FAM240A: variants seen among roughly 807,000 people sequenced by gnomAD.
FAM240A encodes the protein protein FAM240A.
Under a neutral mutation model 7.3 loss-of-function variants are expected in FAM240A, and 8 were observed. That is an observed-to-expected ratio of 1.09 (90% CI 0.64 to 1.97). FAM240A has a LOEUF of 1.97. Ranked by LOEUF, FAM240A falls within the 30% of genes most tolerant of loss-of-function variation. The pLI, the probability that FAM240A is intolerant of heterozygous loss-of-function variation, is 0.00. For synonymous variants in FAM240A, 32 were observed against 35.9 expected (o/e 0.89, Z 0.38); for missense variants, 90 against 102.2 (o/e 0.88, Z 0.52).
chr3:46,621,409 C>A (rs144428299), intron 2 of FAM240A, among the ~76,000 whole-genome samples: 7 of 152,048 alleles, frequency 4.6e-5, no homozygotes, highest in Non-Finnish European at 8.8e-5. Flanking sequence ...CCTTATATAT[C>A]TTTTTTCCGT....
At chr3:46,615,436 A>G (rs766302820) in intron 1 of FAM240A, among the ~76,000 whole-genome samples, 9 of 151,424 alleles carry the variant, frequency 5.9e-5, no homozygotes, top group Non-Finnish European at 7.4e-5. Flanking sequence ...GAATCTGTCC[A>G]CTCTTCATCA....
At chr3:46,615,907 C>T (rs1459848471) in intron 1 of FAM240A, among the ~76,000 whole-genome samples, 2 of 152,094 alleles carry the variant, frequency 1.3e-5, no homozygotes, top group East Asian at 3.8e-4. Context: ...GGCACTGGAA[C>T]CATTTTCTCT....
chr3:46,622,758 C>A (rs918441435), intron 2 of FAM240A, among the ~76,000 whole-genome samples: 1 of 152,212 alleles, frequency 6.6e-6, no homozygotes, highest in Admixed American at 6.5e-5. Flanking sequence ...CAATGTCACA[C>A]TGCTTTGATT....
At chr3:46,615,509 C>T (rs556981834) in intron 1 of FAM240A, among the ~76,000 whole-genome samples, 11 of 152,294 alleles carry the variant, frequency 7.2e-5, no homozygotes, top group Non-Finnish European at 1.3e-4. Context: ...CCAGTTCCTC[C>T]TCCCCCTGCA....
intron 2 of FAM240A, among the ~76,000 whole-genome samples, chr3:46,624,815 T>C (rs1697737985): frequency 6.6e-6 from 1 of 152,104 alleles, no homozygotes; most frequent in Non-Finnish European, 1.5e-5. Flanking sequence ...ATAGGTTTGC[T>C]GTGTAAAGAA....
intron 2 of FAM240A, among the ~76,000 whole-genome samples, chr3:46,624,396 C>A (rs113640675): frequency 6.6e-6 from 1 of 151,008 alleles, no homozygotes; most frequent in Non-Finnish European, 1.5e-5. Flanking sequence ...CTCAGCCTTC[C>A]GAGTAGCTGG....
At chr3:46,614,692 C>G (rs959751736) in intron 1 of FAM240A, among the ~76,000 whole-genome samples, 1 of 152,246 alleles carries the variant, frequency 6.6e-6, no homozygotes, top group African/African-American at 2.4e-5. Flanking sequence ...CAGTGCTCCT[C>G]TGGGCATGGC....
At chr3:46,613,524 T>TAAATAAAA (rs1181530815) in intron 1 of FAM240A, among the ~76,000 whole-genome samples, 1 of 151,328 alleles carries the variant, frequency 6.6e-6, no homozygotes, top group Non-Finnish European at 1.5e-5. Context: ...AATAAATAAA[T>TAAATAAAA]AAAAAACAAG....
chr3:46,624,590 C>A (rs900287440), intron 2 of FAM240A, among the ~76,000 whole-genome samples: 3 of 152,058 alleles, frequency 2.0e-5, no homozygotes, highest in African/African-American at 7.2e-5. Context: ...ATTTTTAAAG[C>A]TATTTAAGTA....
At chr3:46,622,385 T>C (rs562029800) in intron 2 of FAM240A, among the ~76,000 whole-genome samples, 2 of 152,162 alleles carry the variant, frequency 1.3e-5, no homozygotes, top group Non-Finnish European at 2.9e-5. Context: ...GGATTACAGG[T>C]GTGAGCCACC....
intron 2 of FAM240A, among the ~76,000 whole-genome samples, chr3:46,618,353 C>G (rs1467795557): frequency 6.6e-6 from 1 of 152,194 alleles, no homozygotes; most frequent in Non-Finnish European, 1.5e-5. Context: ...TTCCTGCCAT[C>G]TTCGTCCCCC....
At chr3:46,619,550 G>C (rs1345938728) in intron 2 of FAM240A, among the ~76,000 whole-genome samples, 2 of 152,196 alleles carry the variant, frequency 1.3e-5, no homozygotes, top group Non-Finnish European at 2.9e-5. Flanking sequence ...AGGTGACACA[G>C]ATGCTGCCGT....
intron 1 of FAM240A, among the ~76,000 whole-genome samples, chr3:46,615,636 A>T (rs1697619593): frequency 6.6e-6 from 1 of 152,122 alleles, no homozygotes; most frequent in African/African-American, 2.4e-5. Flanking sequence ...TCTCTGGGGC[A>T]TGCCAGGCCA....
At chr3:46,615,478 G>A (rs999604996) in intron 1 of FAM240A, among the ~76,000 whole-genome samples, 2 of 152,016 alleles carry the variant, frequency 1.3e-5, no homozygotes, top group Admixed American at 6.6e-5. Context: ...TCACAGCATC[G>A]CTCTGGGCTC....
At position 46,612,675 on chromosome 3, in the gene FAM240A, C is replaced by A; in HGVS notation, c.-9C>A. ...TGGTTCGACTGAATCGATGTCTTCACATCCCTTCATGCGGTTGTTCTCTGT... is the reference window on the plus strand; with the variant it reads ...TGGTTCGACTGAATCGATGTCTTCAAATCCCTTCATGCGGTTGTTCTCTGT... On this transcript the variant is annotated 5_prime_UTR_variant, in exon 1 of 3. Coordinates refer to ENST00000640551, the MANE Select transcript of FAM240A (RefSeq NM_001195442.2). The A allele has an allele frequency of 1.3e-6, 2 of 1,535,634 alleles. No individual in the cohort carries two copies. The highest frequency in any genetic ancestry group is 1.7e-6 in the Non-Finnish European group (2 of 1,146,410).
At chr3:46,617,047 A>G in intron 1 of FAM240A, 136 bp from the exon 2 acceptor site, 1 of 602,542 alleles carries the variant, frequency 1.7e-6, no homozygotes, top group Non-Finnish European at 2.8e-6. Context: ...TAAACAGTCA[A>G]ATTGGAGTAA....
chr3:46,615,097 G>A (rs183335860), intron 1 of FAM240A, among the ~76,000 whole-genome samples: 4 of 152,254 alleles, frequency 2.6e-5, no homozygotes, highest in Admixed American at 6.5e-5. Context: ...ACAAACAGAC[G>A]GCGCATCAAG....
At chr3:46,617,933 C>T (rs1051078904) in intron 2 of FAM240A, among the ~76,000 whole-genome samples, 6 of 152,194 alleles carry the variant, frequency 3.9e-5, no homozygotes, top group Non-Finnish European at 8.8e-5. Context: ...AAACGAGGGT[C>T]ACCTTGCTGT....
intron 1 of FAM240A, among the ~76,000 whole-genome samples, chr3:46,615,964 GC>G (rs1400233733): frequency 1.3e-5 from 2 of 152,314 alleles, no homozygotes; most frequent in East Asian, 3.9e-4. Context: ...GAAGTCTGAA[GC>G]CTGTCACTCC....
Sources: allele counts gnomAD v4.1 joint callset (sites outside exome capture counted in the v4.1 genomes callset), GRCh38; gene constraint gnomAD v4.1.1; transcripts MANE v1.5; gene names NCBI Gene and HGNC (gene_info 2026-07-23, HGNC 2026-07-21).